Variants in ARHGAP22 observed in about 807,000 individuals in gnomAD.
ARHGAP22 encodes the protein Rho GTPase activating protein 22.
A neutral mutation model predicts 59.1 loss-of-function variants in ARHGAP22; 48 were observed. That is an observed-to-expected ratio of 0.81 (90% CI 0.64 to 1.03). ARHGAP22 has a LOEUF of 1.03. Ranked by LOEUF, ARHGAP22 falls within the 50% of genes least tolerant of loss-of-function variation. The pLI is 0.00. For synonymous variants in ARHGAP22, 445 were observed against 416.4 expected (o/e 1.07, Z -0.84); for missense variants, 1,015 against 958.7 (o/e 1.06, Z -0.78).
chr10:48,533,090 C>T (rs1947075), intron 3 of ARHGAP22: 90,373 of 151,926 alleles, frequency 0.59, 27,342 homozygotes, highest in Admixed American at 0.68. Context: ...CAATCTCTGG[C>T]CAGACATATT....
chr10:48,569,154 C>T (rs996008016), intron 2 of ARHGAP22, among the ~76,000 whole-genome samples: 15 of 152,210 alleles, frequency 9.9e-5, no homozygotes, highest in Admixed American at 3.9e-4. Context: ...TATGGTGTCT[C>T]TGTGAGAGAG....
intron 4 of ARHGAP22, among the ~76,000 whole-genome samples, chr10:48,463,384 G>T (rs777526017): frequency 4.6e-5 from 7 of 152,222 alleles, no homozygotes; most frequent in Non-Finnish European, 8.8e-5. Flanking sequence ...CTCAGGACCA[G>T]AGGCCTCTGC....
chr10:48,631,311 C>A (rs571397053), intron 1 of ARHGAP22, among the ~76,000 whole-genome samples: 1 of 152,186 alleles, frequency 6.6e-6, no homozygotes, highest in African/African-American at 2.4e-5. Context: ...GTGCTGTTAG[C>A]CTCACAGAAT....
chr10:48,569,409 T>C (rs1021840797), intron 2 of ARHGAP22, among the ~76,000 whole-genome samples: 1 of 152,240 alleles, frequency 6.6e-6, no homozygotes, highest in Non-Finnish European at 1.5e-5. Context: ...GCTGATCAAC[T>C]GTAACTCAGT....
At chr10:48,509,970 C>T (rs188578163) in intron 3 of ARHGAP22, among the ~76,000 whole-genome samples, 2 of 152,230 alleles carry the variant, frequency 1.3e-5, no homozygotes, top group Non-Finnish European at 2.9e-5. Context: ...GGAAGACAGC[C>T]GAGAGAAGAG....
At chr10:48,558,237 C>T (rs376122656) in intron 2 of ARHGAP22, among the ~76,000 whole-genome samples, 18 of 152,036 alleles carry the variant, frequency 1.2e-4, no homozygotes, top group African/African-American at 4.1e-4. Flanking sequence ...AGACATAGTA[C>T]GTGAAGTCAT....
intron 4 of ARHGAP22, among the ~76,000 whole-genome samples, chr10:48,472,748 C>T (rs1358846847): frequency 6.6e-6 from 1 of 151,952 alleles, no homozygotes. Context: ...CCCCTTGGCT[C>T]ACTCTCTCAC....
intron 3 of ARHGAP22, among the ~76,000 whole-genome samples, chr10:48,522,505 A>AAAG (rs1351938043): frequency 6.6e-6 from 1 of 152,214 alleles, no homozygotes; most frequent in Non-Finnish European, 1.5e-5. Context: ...AAGACTTTGT[A>AAAG]AATCCACCCT....
chr10:48,628,535 G>C (rs1288450429), intron 1 of ARHGAP22, among the ~76,000 whole-genome samples: 6 of 152,184 alleles, frequency 3.9e-5, no homozygotes, highest in African/African-American at 1.4e-4. Flanking sequence ...TGATGGAGTT[G>C]ACTGCCTGTT....
chr10:48,555,333 T>G, intron 3 of ARHGAP22, 130 bp downstream of exon 3: 1 of 834,418 alleles, frequency 1.2e-6, no homozygotes, highest in Non-Finnish European at 1.9e-6. Context: ...TGGCCCACAT[T>G]TCCGAGTCAT....
At chr10:48,513,326 A>G (rs1217608842) in intron 3 of ARHGAP22, among the ~76,000 whole-genome samples, 2 of 152,238 alleles carry the variant, frequency 1.3e-5, no homozygotes, top group Non-Finnish European at 2.9e-5. Flanking sequence ...CATATGCCTG[A>G]GCAGCGCTAT....
chr10:48,558,343 T>TTTTTTTG (rs1233795073), intron 2 of ARHGAP22, among the ~76,000 whole-genome samples: 19,473 of 150,442 alleles, frequency 0.13, 1,400 homozygotes, highest in Admixed American at 0.22. Flanking sequence ...ATTTAATGTT[T>TTTTTTTG]TTTTTTTGTT....
At chr10:48,565,681 GTTTC>G (rs371209209) in intron 2 of ARHGAP22, among the ~76,000 whole-genome samples, 149 of 152,244 alleles carry the variant, frequency 9.8e-4, no homozygotes, top group African/African-American at 3.3e-3. Flanking sequence ...CTGAGGCCTG[GTTTC>G]TTTATGTGTA....
chr10:48,608,619 T>C (rs2060765829), upstream of ARHGAP22, among the ~76,000 whole-genome samples: 1 of 152,188 alleles, frequency 6.6e-6, no homozygotes, highest in African/African-American at 2.4e-5. Context: ...TCTCTGTTCC[T>C]GCTGCCAGGA....
At chr10:48,586,911 T>C (rs2059459011) in intron 1 of ARHGAP22, among the ~76,000 whole-genome samples, 1 of 152,104 alleles carries the variant, frequency 6.6e-6, no homozygotes, top group Non-Finnish European at 1.5e-5. Flanking sequence ...GGGCCCCCTT[T>C]CCCTCTCCAT....
rs2045898472 is a variant in ARHGAP22, at chr10:48,451,107, AG to A, written c.1021del (p.Leu341SerfsTer122). On this transcript the variant is annotated frameshift_variant, in exon 9 of 10. Transcript: ENST00000249601. LOFTEE classifies it high-confidence loss of function. ...GAAGAGCTGGCTGTGTTTGCGGATG[AG>A]GACGGTCATCAGGTGCTGGACGAGG... ...TSLVQHLMTV[L>X]IRKHSQLFTA... 18 of 1,553,282 alleles carry A rather than the reference AG, an allele frequency of 1.2e-5. No individual in the cohort carries two copies. The highest frequency in any genetic ancestry group is 1.5e-5 in the Non-Finnish European group (17 of 1,148,326).
chr10:48,608,996 C>G (rs1030321293), upstream of ARHGAP22, among the ~76,000 whole-genome samples: 1 of 152,194 alleles, frequency 6.6e-6, no homozygotes, highest in South Asian at 2.1e-4. Context: ...CTCTTCTCAA[C>G]TCTAATGTTC....
intron 1 of ARHGAP22, among the ~76,000 whole-genome samples, chr10:48,599,635 C>T (rs2060266641): frequency 6.6e-6 from 1 of 152,236 alleles, no homozygotes; most frequent in South Asian, 2.1e-4. Flanking sequence ...CACCACACAC[C>T]TTTGTATCCA....
intron 3 of ARHGAP22, among the ~76,000 whole-genome samples, chr10:48,505,915 A>G (rs929269849): frequency 6.6e-6 from 1 of 152,204 alleles, no homozygotes. Context: ...TACCGGCCCA[A>G]TACTCCGTAT....
Sources: allele counts gnomAD v4.1 joint callset (sites outside exome capture counted in the v4.1 genomes callset), GRCh38; gene constraint gnomAD v4.1.1; transcripts MANE v1.5; gene names NCBI Gene and HGNC (gene_info 2026-07-23, HGNC 2026-07-21).